Variants in SAMD4A observed in about 807,000 individuals in gnomAD.
SAMD4A encodes the protein sterile alpha motif domain containing 4A.
SAMD4A carries 33 observed loss-of-function variants against 81.3 expected under a neutral mutation model. The ratio of observed to expected loss-of-function variants is 0.41; its 90% confidence interval spans 0.31 to 0.54. The LOEUF is 0.54. Ranked by LOEUF, SAMD4A falls within the 20% of genes least tolerant of loss-of-function variation. The pLI, the probability that SAMD4A is intolerant of heterozygous loss-of-function variation, is 0.37. For synonymous variants in SAMD4A, 389 were observed against 382.1 expected, an observed-to-expected ratio of 1.02 and a Z score of -0.21; for missense variants, 854 against 951.1, an observed-to-expected ratio of 0.90 and a Z score of 1.34.
chr14:54,696,849 T>A (rs180834666), intron 2 of SAMD4A: 1 of 152,300 alleles, frequency 6.6e-6, no homozygotes, highest in East Asian at 1.9e-4. Context: ...TACAGAGAAA[T>A]AACAAAGAAA....
chr14:54,576,465 TG>T (rs1382231543), intron 2 of SAMD4A, among the ~76,000 whole-genome samples: 1 of 152,208 alleles, frequency 6.6e-6, no homozygotes, highest in African/African-American at 2.4e-5. Context: ...AACCAGGTTT[TG>T]CACATTGTAG....
intron 11 of SAMD4A, among the ~76,000 whole-genome samples, chr14:54,777,899 A>G (rs1276364129): frequency 6.6e-6 from 1 of 152,200 alleles, no homozygotes; most frequent in Non-Finnish European, 1.5e-5. Flanking sequence ...CTATATGCTT[A>G]GCTATTTTTC....
intron 8 of SAMD4A, among the ~76,000 whole-genome samples, chr14:54,768,455 G>C (rs142361747): frequency 2.6e-5 from 4 of 152,132 alleles, no homozygotes; most frequent in Admixed American, 1.3e-4. Flanking sequence ...ATGCGTAAAG[G>C]CGTGCAGGGA....
chr14:54,784,102 A>C (rs527253328), intron 11 of SAMD4A, among the ~76,000 whole-genome samples: 6 of 152,240 alleles, frequency 3.9e-5, no homozygotes, highest in African/African-American at 1.4e-4. Flanking sequence ...AGCCATGGAA[A>C]CCACCCCAGG....
At chr14:54,780,721 T>G (rs113382017) in intron 11 of SAMD4A, among the ~76,000 whole-genome samples, 90 of 152,302 alleles carry the variant, frequency 5.9e-4, no homozygotes, top group Admixed American at 5.4e-3. Context: ...TCTTATACCA[T>G]GTTGTACCCA....
chr14:54,737,349 G>A (rs1339722098), intron 4 of SAMD4A, 62 bp downstream of exon 4: 2 of 1,581,596 alleles, frequency 1.3e-6, no homozygotes, highest in Non-Finnish European at 1.7e-6. Context: ...AGACCAGAGG[G>A]TAAAAAAAGA....
intron 2 of SAMD4A, among the ~76,000 whole-genome samples, chr14:54,618,094 G>A (rs1447364328): frequency 2.6e-5 from 4 of 152,210 alleles, no homozygotes; most frequent in Non-Finnish European, 5.9e-5. Flanking sequence ...AACTTTGTAA[G>A]AATAAAATAT....
At chr14:54,770,016 C>A in intron 8 of SAMD4A, 88 bp from the exon 9 acceptor site, 1 of 834,562 alleles carries the variant, frequency 1.2e-6, no homozygotes, top group Non-Finnish European at 2.0e-6. Flanking sequence ...ACTGCAGAGA[C>A]TCCAATGTTT....
chr14:54,729,250 G>A (rs566877228), intron 3 of SAMD4A, among the ~76,000 whole-genome samples: 1 of 152,218 alleles, frequency 6.6e-6, no homozygotes, highest in South Asian at 2.1e-4. Context: ...AGGTGGTGCC[G>A]TTAAGCGCGG....
At chr14:54,587,083 T>C (rs1347581750) in intron 2 of SAMD4A, among the ~76,000 whole-genome samples, 2 of 152,218 alleles carry the variant, frequency 1.3e-5, no homozygotes, top group Non-Finnish European at 2.9e-5. Flanking sequence ...TCCATTTGTT[T>C]GCATCATCTA....
intron 2 of SAMD4A, among the ~76,000 whole-genome samples, chr14:54,662,415 T>A (rs968005392): frequency 2.0e-5 from 3 of 147,720 alleles, no homozygotes; most frequent in African/African-American, 7.5e-5. Flanking sequence ...TTTTTTTTCA[T>A]TTTTTTTTTC....
At chr14:54,634,465 C>T (rs1341954801) in intron 2 of SAMD4A, among the ~76,000 whole-genome samples, 8 of 152,018 alleles carry the variant, frequency 5.3e-5, no homozygotes, top group Non-Finnish European at 1.0e-4. Context: ...AAAGTTTCCA[C>T]GGGCCAGGGT....
intron 2 of SAMD4A, among the ~76,000 whole-genome samples, chr14:54,576,432 TGAAAAAG>T (rs1338662177): frequency 6.6e-6 from 1 of 152,148 alleles, no homozygotes; most frequent in Non-Finnish European, 1.5e-5. Context: ...TGTCTCCGTT[TGAAAAAG>T]GAAAAAGGAG....
chr14:54,711,385 A>T (rs532310974), intron 3 of SAMD4A, among the ~76,000 whole-genome samples: 2 of 152,316 alleles, frequency 1.3e-5, no homozygotes, highest in African/African-American at 4.8e-5. Flanking sequence ...ATAGTTACAA[A>T]TGTATACCCA....
At position 54,695,868 on chromosome 14, in the gene SAMD4A, G is replaced by A. The variant is rs369215839; in HGVS notation, c.197-6194G>A. Among the ~76,000 whole-genome samples, 9 of 149,802 alleles carry A rather than the reference G, an allele frequency of 6.0e-5. No individual in the cohort carries two copies. The South Asian group carries it at 6.3e-4, about 10-fold the overall frequency. On this transcript the variant is annotated intron_variant, in intron 2 of 12. Coordinates refer to ENST00000554335, the MANE Select transcript of SAMD4A (RefSeq NM_015589.6). ...CTTGGGAGGCTGAATCAGGAGAATC[G>A]CTTGAACCCAGGAGGCGGAGGTTAC...
chr14:54,626,577 G>C (rs564508292), intron 2 of SAMD4A, among the ~76,000 whole-genome samples: 2 of 152,158 alleles, frequency 1.3e-5, no homozygotes, highest in South Asian at 4.2e-4. Flanking sequence ...CAAGTCGAAC[G>C]GGTCTCCCTT....
In SAMD4A at chr14:54,702,443, C is replaced by G; in HGVS notation, c.578C>G (p.Ser193Cys). 3 of 1,614,156 alleles carry G rather than the reference C, an allele frequency of 1.9e-6. No homozygotes were observed. Among genetic ancestry groups the G allele is most frequent in the Non-Finnish European group, 1.7e-6 (2 of 1,179,996 alleles). ...GACAAGCTCAATGGGTGGCAGAACT[C>G]TCGGGATTCTGGGATTTGCATCAAT... is the stretch of plus-strand genomic sequence containing the variant. Reference protein sequence around the residue: ...SDDKLNGWQNSRDSGICINAS... With the variant: ...SDDKLNGWQNCRDSGICINAS... The change falls in exon 3 of 13, where the codon TCT becomes TGT. Residue 193 changes from serine (S) to cysteine (C), a missense_variant. By Grantham distance (112) the Ser-to-Cys change is moderately radical. Coordinates refer to ENST00000554335, the MANE Select transcript of SAMD4A (RefSeq NM_015589.6).
At chr14:54,743,555 T>A (rs1232856809) in intron 4 of SAMD4A, among the ~76,000 whole-genome samples, 1 of 152,266 alleles carries the variant, frequency 6.6e-6, no homozygotes, top group Non-Finnish European at 1.5e-5. Flanking sequence ...ACACAGCCAC[T>A]GTTTAATGAC....
intron 2 of SAMD4A, among the ~76,000 whole-genome samples, chr14:54,613,921 C>G (rs1320184572): frequency 6.6e-6 from 1 of 152,130 alleles, no homozygotes; most frequent in South Asian, 2.1e-4. Flanking sequence ...CAAATTCACC[C>G]GTAAGATTTT....
Sources: allele counts gnomAD v4.1 joint callset (sites outside exome capture counted in the v4.1 genomes callset), GRCh38; gene constraint gnomAD v4.1.1; transcripts MANE v1.5; gene names NCBI Gene and HGNC (gene_info 2026-07-23, HGNC 2026-07-21).